The following SYNE3 variants were observed in gnomAD, a reference collection of about 807,000 sequenced individuals.
SYNE3 encodes the protein spectrin repeat containing nuclear envelope family member 3.
In SYNE3, 100 loss-of-function variants were observed where a neutral mutation model predicts 111.2. The observed-to-expected ratio is 0.90, with a 90% CI of 0.77 to 1.06. The LOEUF is 1.06. SYNE3 is among the 50% of genes least tolerant of loss of function. The pLI, the probability that SYNE3 is intolerant of heterozygous loss-of-function variation, is 0.00. For missense variants in SYNE3, 1,160 were observed against 1,240.3 expected (o/e 0.94, Z 0.97); for synonymous variants, 547 against 533.9 (o/e 1.02, Z -0.34).
At chr14:95,427,917 A>G (rs1885531524) in intron 17 of SYNE3, among the ~76,000 whole-genome samples, 1 of 152,238 alleles carries the variant, frequency 6.6e-6, no homozygotes, top group Admixed American at 6.5e-5. Flanking sequence ...AGAGAAAGTT[A>G]TGATCTAACA....
In SYNE3 at chr14:95,433,299, C is replaced by T; in HGVS notation, c.2649G>A (p.Met883Ile). 1.9e-6 allele frequency: 3 copies of T among 1,614,164 alleles called. No individual in the cohort carries two copies. The highest frequency in any genetic ancestry group is 2.5e-6 in the Non-Finnish European group (3 of 1,180,020). Residue 883 changes from methionine (M) to isoleucine (I), a missense_variant, in exon 16 of 18, where the codon ATG becomes ATA. Coordinates refer to ENST00000682763, the MANE Select transcript of SYNE3 (RefSeq NM_152592.6). ...AGTCCTTCAGCTTGGACTTGTACAG[C>T]ATCCACTGGTAGCGCAGATCTTCCA... The part of the protein sequence containing the change: ...DELEDLRYQW[M>I]LYKSKLKDSG...
rs1205164154 is a variant in SYNE3 at position 95,485,180 on chromosome 14, A to G, written c.-14-9345T>C. Among the ~76,000 whole-genome samples the G allele has an allele frequency of 6.6e-6, 1 of 152,192 alleles. No homozygotes were observed. The highest frequency in any genetic ancestry group is 1.9e-4 in the East Asian group (1 of 5,194). ...GGGAGGGCGGTTGGGGCTGGGTCCTATTAGCTTTGAGTCAATGTAGGCCAA... is the reference window on the plus strand; with the variant it reads ...GGGAGGGCGGTTGGGGCTGGGTCCTGTTAGCTTTGAGTCAATGTAGGCCAA... On this transcript the variant is annotated intron_variant, in intron 1 of 17. Coordinates refer to ENST00000682763, the MANE Select transcript of SYNE3 (RefSeq NM_152592.6). The surrounding 1 kb of genome is among the most constrained non-coding windows in gnomAD (Gnocchi z 4.3).
chr14:95,510,054 A>G (rs532999395), intron 1 of SYNE3, among the ~76,000 whole-genome samples: 1 of 152,334 alleles, frequency 6.6e-6, no homozygotes, highest in South Asian at 2.1e-4. Context: ...GGCTGGCTCC[A>G]CTGCAGCTGT....
chr14:95,512,069 C>T (rs1489923046), intron 1 of SYNE3, among the ~76,000 whole-genome samples: 1 of 152,156 alleles, frequency 6.6e-6, no homozygotes, highest in Admixed American at 6.5e-5. Context: ...TGTTGATCAT[C>T]TGAGGTCATA....
At chr14:95,451,113 G>A (rs1480116152) in intron 7 of SYNE3, 1 of 151,860 alleles carries the variant, frequency 6.6e-6, no homozygotes, top group Non-Finnish European at 1.5e-5. Flanking sequence ...ATCAAAAATG[G>A]GCAGATTCTG....
chr14:95,479,486 G>A (rs906193490), intron 1 of SYNE3, among the ~76,000 whole-genome samples: 5 of 152,166 alleles, frequency 3.3e-5, no homozygotes, highest in Non-Finnish European at 7.4e-5. Context: ...TTGGGAACCT[G>A]CATCCAGACA....
In SYNE3 at chr14:95,455,449, G is replaced by A; in HGVS notation, c.1065C>T (p.Ala355=). Residue 355 remains alanine (A), a synonymous_variant, in exon 6 of 18, where the codon GCC becomes GCT. Transcript: ENST00000682763. ...TCGCCGCAGGCTGCAGGCCCTCCTG[G>A]GCCAGCCTCTGCAGGACCATCCTGA... ...SEFRMVLQRL[A]QEGLQPAAKA... 6.2e-7 allele frequency: 1 copy of A among 1,607,082 alleles called. No individual in the cohort carries two copies. The highest frequency in any genetic ancestry group is 8.5e-7 in the Non-Finnish European group (1 of 1,176,678).
In SYNE3 at chr14:95,439,798, G is replaced by GGACACACA. The variant is rs765124275; in HGVS notation, c.2074-22_2074-15dup. On this transcript the variant is annotated splice_polypyrimidine_tract_variant and intron_variant, in intron 12 of 17. Coordinates refer to ENST00000682763, the MANE Select transcript of SYNE3 (RefSeq NM_152592.6). ...TGCCACCAGCCTCTAAAGGACACACGGACACACAGACACACACACGGTGAG... is the reference window on the plus strand; with the variant it reads ...TGCCACCAGCCTCTAAAGGACACACGGACACACAGACACACAGACACACACACGGTGAG... 2.2e-5 allele frequency: 35 copies of GGACACACA among 1,606,632 alleles called. No homozygotes were observed. Among genetic ancestry groups the GGACACACA allele is most frequent in the Non-Finnish European group, 2.7e-5 (32 of 1,176,038 alleles).
At chr14:95,503,848 G>C (rs1160191473) in intron 1 of SYNE3, among the ~76,000 whole-genome samples, 2 of 151,946 alleles carry the variant, frequency 1.3e-5, no homozygotes, top group Admixed American at 1.3e-4. Flanking sequence ...TCAAATTCCT[G>C]GGCTCAAGCA....
chr14:95,439,041 G>C lies in SYNE3; in HGVS notation c.2368C>G (p.Arg790Gly), dbSNP rs554951423. Residue 790 changes from arginine (R) to glycine (G), a missense_variant, in exon 14 of 18, where the codon CGT becomes GGT. Physicochemically the swap from Arg to Gly is moderately radical, Grantham distance 125. Coordinates refer to ENST00000682763, the MANE Select transcript of SYNE3 (RefSeq NM_152592.6). ...CTGCTAGACAGACTCACGCGTCGAC[G>C]ATGCCTGGGAATAGGATCCATGGGA... ...INPMDPIPRH[R>G]RRANLLQEEE... The C allele has an allele frequency of 1.2e-6, 2 of 1,614,078 alleles. No individual in the cohort carries two copies. The highest frequency in any genetic ancestry group is 2.2e-5 in the East Asian group (1 of 44,904).
At chr14:95,459,555 G>A (rs890132169) in intron 4 of SYNE3, among the ~76,000 whole-genome samples, 2 of 152,348 alleles carry the variant, frequency 1.3e-5, no homozygotes, top group African/African-American at 2.4e-5. Flanking sequence ...CCCTGTCCAG[G>A]AGGGTTCTGA....
intron 1 of SYNE3, among the ~76,000 whole-genome samples, chr14:95,484,841 G>A (rs1889457734): frequency 6.6e-6 from 1 of 152,212 alleles, no homozygotes; most frequent in Non-Finnish European, 1.5e-5. Context: ...ATTTCACTGA[G>A]AGTTATGATT....
chr14:95,484,039 C>A (rs1206219729), intron 1 of SYNE3, among the ~76,000 whole-genome samples: 1 of 152,156 alleles, frequency 6.6e-6, no homozygotes, highest in Non-Finnish European at 1.5e-5. Context: ...TCCAGATACG[C>A]CAACCATAAA....
intron 4 of SYNE3, among the ~76,000 whole-genome samples, chr14:95,463,881 T>C (rs1356621435): frequency 2.6e-5 from 4 of 152,256 alleles, no homozygotes; most frequent in Non-Finnish European, 5.9e-5. Context: ...TTCTCACTGC[T>C]ACTGAGAGTA....
At chr14:95,451,947 C>T (rs1452861132) in intron 7 of SYNE3, 1 of 220,688 alleles carries the variant, frequency 4.5e-6, no homozygotes, top group Non-Finnish European at 8.8e-6. Flanking sequence ...AAAGCCCTCC[C>T]TTTGGGCCAT....
chr14:95,488,555 T>C (rs1182649990), intron 1 of SYNE3, among the ~76,000 whole-genome samples: 1 of 151,604 alleles, frequency 6.6e-6, no homozygotes, highest in Non-Finnish European at 1.5e-5. Flanking sequence ...AGGCCAGGCG[T>C]GGTGGCTCAC....
At chr14:95,515,007 C>T (rs1038499300) in intron 1 of SYNE3, among the ~76,000 whole-genome samples, 10 of 152,238 alleles carry the variant, frequency 6.6e-5, no homozygotes, top group African/African-American at 2.2e-4. Flanking sequence ...CTCCAACTCA[C>T]TCTGAAGTGT....
At chr14:95,511,738 T>C (rs61060752) in intron 1 of SYNE3, among the ~76,000 whole-genome samples, 1 of 151,454 alleles carries the variant, frequency 6.6e-6, no homozygotes, top group Admixed American at 6.6e-5. Context: ...ATAAATAAAT[T>C]AAATAAAATA....
intron 1 of SYNE3, among the ~76,000 whole-genome samples, chr14:95,491,948 A>G (rs538730114): frequency 6.6e-6 from 1 of 152,368 alleles, no homozygotes; most frequent in African/African-American, 2.4e-5. Flanking sequence ...AATGATTTGA[A>G]TAGACATTTC....
Sources: gnomAD v4.1 joint callset for allele counts (sites outside exome capture counted in the v4.1 genomes callset) on GRCh38, gnomAD v4.1.1 for gene constraint, Gnocchi (gnomAD v3.1) non-coding constraint, MANE v1.5 for transcripts, NCBI Gene and HGNC (gene_info 2026-07-23, HGNC 2026-07-21) for gene names.